The following SUCLA2 variants were observed in gnomAD, a reference collection of about 807,000 sequenced individuals.
SUCLA2 encodes succinate--CoA ligase [ADP-forming] subunit beta, mitochondrial.
A neutral mutation model predicts 54.8 loss-of-function variants in SUCLA2; 30 were observed. The observed-to-expected ratio is 0.55, with a 90% CI of 0.41 to 0.74. The LOEUF is 0.74. Ranked by LOEUF, SUCLA2 falls within the 30% of genes least tolerant of loss-of-function variation. The pLI is 0.00. For synonymous variants in SUCLA2, 172 were observed against 188.9 expected (o/e 0.91, Z 0.74); for missense variants, 476 against 562.9 (o/e 0.85, Z 1.56).
chr13:47,989,335 C>T (rs1486146295), intron 2 of SUCLA2, among the ~76,000 whole-genome samples: 1 of 151,976 alleles, frequency 6.6e-6, no homozygotes, highest in Non-Finnish European at 1.5e-5. Flanking sequence ...CTCAGCCTCC[C>T]GAGTAGCTGG....
At chr13:47,976,947 G>A (rs1191589193) in intron 4 of SUCLA2, among the ~76,000 whole-genome samples, 2 of 151,018 alleles carry the variant, frequency 1.3e-5, no homozygotes, top group Non-Finnish European at 2.9e-5. Context: ...CCCAAAGTTG[G>A]CAAAAGGAAG....
At position 47,988,723 on chromosome 13, in the gene SUCLA2, T is replaced by C. The variant is rs1033815836; in HGVS notation, c.372-20A>G. ...TCTGGACTAAAATAAGAAAAAGAAC[T>C]CAAATTTTTCTTTCCTCCAGTTGAG... On this transcript the variant is annotated intron_variant, in intron 3 of 10. Coordinates refer to ENST00000646932, the MANE Select transcript of SUCLA2 (RefSeq NM_003850.3). 1.9e-6 allele frequency: 3 copies of C among 1,612,926 alleles called. No individual in the cohort carries two copies. Among genetic ancestry groups the C allele is most frequent in the Non-Finnish European group, 2.5e-6 (3 of 1,179,682 alleles).
chr13:47,954,119 T>C (rs1949798684), intron 8 of SUCLA2, 21 bp downstream of exon 8: 7 of 1,594,130 alleles, frequency 4.4e-6, no homozygotes, highest in Non-Finnish European at 6.0e-6. Flanking sequence ...GATATAAAAA[T>C]ATATCAAGCC....
intron 10 of SUCLA2, among the ~76,000 whole-genome samples, chr13:47,946,671 T>C (rs373599535): frequency 2.6e-5 from 4 of 151,970 alleles, no homozygotes; most frequent in African/African-American, 9.6e-5. Flanking sequence ...TTCACATGAA[T>C]TTTAAAATCC....
intron 1 of SUCLA2, among the ~76,000 whole-genome samples, chr13:47,999,314 C>T (rs191157838): frequency 6.6e-6 from 1 of 152,236 alleles, no homozygotes; most frequent in Admixed American, 6.5e-5. Context: ...GGAAGAATGT[C>T]CTTATTCTTA....
chr13:47,966,525 TAA>T (rs372783186), intron 6 of SUCLA2, among the ~76,000 whole-genome samples: 2 of 141,252 alleles, frequency 1.4e-5, no homozygotes, highest in Admixed American at 7.0e-5. Flanking sequence ...TTGCCGTTTT[TAA>T]AAAAAAAAAA....
chr13:47,989,068 G>T, intron 2 of SUCLA2, 87 bp from the exon 3 acceptor site: 1 of 1,277,768 alleles, frequency 7.8e-7, no homozygotes, highest in Non-Finnish European at 1.1e-6. Context: ...ATATTGACAG[G>T]TGTTATTAAA....
At chr13:47,982,683 G>A (rs1202412957) in intron 4 of SUCLA2, among the ~76,000 whole-genome samples, 1 of 146,576 alleles carries the variant, frequency 6.8e-6, no homozygotes, top group African/African-American at 2.6e-5. Context: ...AATGGGTAAG[G>A]TAAATTTTTT....
At chr13:47,987,068 A>G (rs1950110138) in intron 4 of SUCLA2, among the ~76,000 whole-genome samples, 1 of 152,242 alleles carries the variant, frequency 6.6e-6, no homozygotes, top group Non-Finnish European at 1.5e-5. Context: ...CAGTATTTTT[A>G]ACCTGAATTA....
At chr13:47,970,109 CAA>C (rs34021393) in intron 5 of SUCLA2, among the ~76,000 whole-genome samples, 187 of 140,040 alleles carry the variant, frequency 1.3e-3, no homozygotes, top group Non-Finnish European at 1.4e-3. Flanking sequence ...CTCCCCCCCA[CAA>C]AAAAAAAAAA....
intron 6 of SUCLA2, among the ~76,000 whole-genome samples, chr13:47,959,933 T>G (rs1324690259): frequency 6.6e-6 from 1 of 152,130 alleles, no homozygotes; most frequent in African/African-American, 2.4e-5. Context: ...TGTTAGCTGT[T>G]TTGCATGGAT....
chr13:47,945,249 TAAAAAAAA>T (rs35349385), intron 10 of SUCLA2, among the ~76,000 whole-genome samples: 2 of 85,192 alleles, frequency 2.3e-5, no homozygotes, highest in East Asian at 3.5e-4. Context: ...AACTCTGTCT[TAAAAAAAA>T]AAAAAAAAAA....
intron 6 of SUCLA2, among the ~76,000 whole-genome samples, chr13:47,963,303 C>A (rs939683552): frequency 2.0e-5 from 3 of 152,172 alleles, no homozygotes; most frequent in Non-Finnish European, 2.9e-5. Context: ...CCTTGAAGAA[C>A]TCAAGTGGAA....
intron 4 of SUCLA2, among the ~76,000 whole-genome samples, chr13:47,975,784 C>T (rs1413349952): frequency 6.6e-6 from 1 of 152,196 alleles, no homozygotes; most frequent in Non-Finnish European, 1.5e-5. Context: ...CAAGGAGCCG[C>T]ATGGTGGGCC....
At chr13:47,971,641 C>A in intron 5 of SUCLA2, 1 of 356,522 alleles carries the variant, frequency 2.8e-6, no homozygotes, top group Non-Finnish European at 5.0e-6. Flanking sequence ...ATTGTGAACA[C>A]ATACAAATTG....
chr13:47,954,404 C>G lies in SUCLA2; in HGVS notation c.956G>C (p.Gly319Ala). 1.9e-6 allele frequency: 3 copies of G among 1,613,972 alleles called. No individual in the cohort carries two copies. The highest frequency in any genetic ancestry group is 1.1e-5 in the South Asian group (1 of 91,078). The part of the protein sequence containing the change: ...LNYIGLDGNI[G>A]CLVNGAGLAM... ...ATAAAAACACATGGTACCTAGGCAG[C>G]CTATATTTCCATCGAGGCCAATGTA... is the stretch of plus-strand genomic sequence containing the variant. Residue 319 changes from glycine (G) to alanine (A), a missense_variant, in exon 7 of 11, where the codon GGC becomes GCC. Around this residue, in one of 2 missense-constraint regions of SUCLA2, gnomAD observed 342 missense variants for 444.2 expected, o/e 0.77. Transcript: ENST00000646932.
intron 5 of SUCLA2, 71 bp downstream of exon 5, chr13:47,973,193 G>C: frequency 7.5e-7 from 1 of 1,333,036 alleles, no homozygotes; most frequent in Non-Finnish European, 1.1e-6. Flanking sequence ...AATTACTTCA[G>C]TTGTACGGTT....
chr13:47,973,677 C>T (rs1949985993), intron 4 of SUCLA2, among the ~76,000 whole-genome samples: 4 of 152,136 alleles, frequency 2.6e-5, no homozygotes. Flanking sequence ...ATAGCAACAA[C>T]TTGGAACCAA....
intron 10 of SUCLA2, among the ~76,000 whole-genome samples, chr13:47,945,570 T>C (rs1389712963): frequency 1.3e-5 from 2 of 151,842 alleles, no homozygotes; most frequent in African/African-American, 4.8e-5. Context: ...TATGAAGTGT[T>C]CTCTGATACA....
Sources: allele counts gnomAD v4.1 joint callset (sites outside exome capture counted in the v4.1 genomes callset), GRCh38; gene constraint gnomAD v4.1.1; regional missense constraint gnomAD v4.1.1; transcripts MANE v1.5; gene names NCBI Gene and HGNC (gene_info 2026-07-23, HGNC 2026-07-21).